Variants in MPDZ observed in about 807,000 individuals in gnomAD.
The protein encoded by MPDZ is multiple PDZ domain protein.
In MPDZ, 234 loss-of-function variants were observed where a neutral mutation model predicts 239.1. The ratio of observed to expected loss-of-function variants is 0.98; its 90% CI spans 0.88 to 1.09. MPDZ has a LOEUF of 1.09. Ranked by LOEUF, MPDZ falls within the 50% of genes least tolerant of loss-of-function variation. The pLI is 0.00. For missense variants in MPDZ, 3,175 were observed against 2,510.0 expected (o/e 1.26, Z -5.66); for synonymous variants, 1,048 against 881.3 (o/e 1.19, Z -3.35).
intron 5 of MPDZ, 125 bp from the exon 6 acceptor site, chr9:13,222,571 C>T: frequency 1.3e-6 from 1 of 751,592 alleles, no homozygotes; most frequent in Non-Finnish European, 2.2e-6. Context: ...TAAGCTTTTT[C>T]CTGCAGTTCT....
intron 8 of MPDZ, 83 bp from the exon 9 acceptor site, chr9:13,217,377 C>CA (rs1221991591): frequency 1.1e-6 from 1 of 908,602 alleles, no homozygotes; most frequent in Non-Finnish European, 1.7e-6. Context: ...ACAAAAAAAC[C>CA]ATGATAAAAT....
At chr9:13,221,297 T>C (rs936481538) in intron 7 of MPDZ, 75 bp downstream of exon 7, 8 of 1,424,526 alleles carry the variant, frequency 5.6e-6, no homozygotes, top group Non-Finnish European at 3.7e-6. Flanking sequence ...GTTTCTTCTT[T>C]CCAACAAAAA....
intron 24 of MPDZ, among the ~76,000 whole-genome samples, chr9:13,150,899 A>G (rs1949077200): frequency 6.6e-6 from 1 of 152,106 alleles, no homozygotes; most frequent in Non-Finnish European, 1.5e-5. Flanking sequence ...GGAAAGGAAA[A>G]AAGTATCTGC....
chr9:13,136,320 G>GTTTTTTTTTTTTTTT lies in MPDZ; in HGVS notation c.4293-139_4293-138insAAAAAAAAAAAAAAA, dbSNP rs1444109820. ...CTGTGACACTTACAAATTTACAAACGTTTTCTTTTTTTTTTTTTTTTTTTT... is the reference window on the plus strand; with the variant it reads ...CTGTGACACTTACAAATTTACAAACGTTTTTTTTTTTTTTTTTTTCTTTTTTTTTTTTTTTTTTTT... On this transcript the variant is annotated intron_variant, in intron 30 of 46. Transcript: ENST00000319217. 124 of 194,614 alleles carry GTTTTTTTTTTTTTTT rather than the reference G, an allele frequency of 6.4e-4. 11 individuals are homozygous for GTTTTTTTTTTTTTTT. The highest frequency in any genetic ancestry group is 2.7e-3 in the African/African-American group (41 of 15,138). The allele number at this position is 194,614 out of a possible 1,614,324, so 12.1% of individuals were successfully genotyped here.
chr9:13,222,910 G>T (rs1049750950), intron 5 of MPDZ, among the ~76,000 whole-genome samples: 1 of 151,004 alleles, frequency 6.6e-6, no homozygotes, highest in African/African-American at 2.4e-5. Context: ...CCCAACTGGG[G>T]ATCACATCCA....
chr9:13,127,117 T>A (rs1945236363), intron 32 of MPDZ, among the ~76,000 whole-genome samples: 1 of 152,206 alleles, frequency 6.6e-6, no homozygotes, highest in African/African-American at 2.4e-5. Flanking sequence ...ACTGAATAAG[T>A]CATTCAAAAC....
At chr9:13,245,918 T>C (rs1258812002) in intron 3 of MPDZ, among the ~76,000 whole-genome samples, 17 of 152,174 alleles carry the variant, frequency 1.1e-4, no homozygotes, top group Admixed American at 1.1e-3. Context: ...ACAACGGAAA[T>C]TTCAAGTTAT....
intron 1 of MPDZ, among the ~76,000 whole-genome samples, chr9:13,259,027 T>C (rs1006324360): frequency 2.0e-5 from 3 of 149,576 alleles, no homozygotes; most frequent in South Asian, 2.3e-4. Flanking sequence ...AGAGGCTCAA[T>C]ACAGCTCAAT....
In MPDZ at chr9:13,174,748, T is replaced by C. The variant is rs183473938; in HGVS notation, c.3055+1004A>G. Among the ~76,000 whole-genome samples the C allele has an allele frequency of 2.6e-5, 4 of 152,328 alleles. No homozygotes were observed. In the East Asian group the frequency reaches 5.8e-4, roughly 22 times the overall value. The stretch of plus-strand genomic sequence containing the variant: ...ATGCAAAGTTCTGCAGTTCAAGCTT[T>C]GTATCATCATCCTATTAAACATAAC... On this transcript the variant is annotated intron_variant, in intron 21 of 46. Transcript: ENST00000319217.
rs549903049 is a variant in MPDZ at position 13,215,764 on chromosome 9, T to TG, written c.1290+1009_1290+1010insC. Among the ~76,000 whole-genome samples the TG allele has an allele frequency of 2.2e-3, 311 of 138,222 alleles. 1 individual carries two copies. Among genetic ancestry groups the TG allele is most frequent in the African/African-American group, 8.0e-3 (300 of 37,728 alleles). The allele number at this position is 138,222 out of a possible 152,430, so 90.7% of individuals were successfully genotyped here. ...TTTCTCTATTGCAGGTTTTTTTTTT[T>TG]TTTTTTTTTTGTCTTTTTTTAGAGG... On this transcript the variant is annotated intron_variant, in intron 10 of 46. Coordinates refer to ENST00000319217, the MANE Select transcript of MPDZ (RefSeq NM_001378778.1).
chr9:13,204,735 C>T (rs973440691), intron 12 of MPDZ, among the ~76,000 whole-genome samples: 4 of 152,082 alleles, frequency 2.6e-5, no homozygotes, highest in Non-Finnish European at 5.9e-5. Flanking sequence ...TAGAACCACA[C>T]ATACAAACAG....
chr9:13,194,988 T>TA (rs879614298), intron 13 of MPDZ, among the ~76,000 whole-genome samples: 39 of 147,406 alleles, frequency 2.6e-4, no homozygotes, highest in Non-Finnish European at 4.4e-4. Flanking sequence ...TTTGAATGTT[T>TA]AAAAAAAAAA....
intron 1 of MPDZ, among the ~76,000 whole-genome samples, chr9:13,268,898 C>T (rs1204068938): frequency 2.6e-5 from 4 of 151,972 alleles, no homozygotes; most frequent in Non-Finnish European, 4.4e-5. Flanking sequence ...TTGGAGGGTA[C>T]AGGGATTACA....
chr9:13,137,043 A>G (rs79314239), intron 29 of MPDZ, among the ~76,000 whole-genome samples: 1,602 of 152,280 alleles, frequency 0.011, 22 homozygotes, highest in African/African-American at 0.037. Flanking sequence ...AACTGCTGAT[A>G]AAGAGGCACC....
chr9:13,223,730 A>G lies in MPDZ; in HGVS notation c.394-20T>C, dbSNP rs1959566130. ...GCGACCCTGTTTAGGAAACAAAGCA[A>G]GAAATAAAACTAAAAGCCAGGCCAT... On this transcript the variant is annotated intron_variant, in intron 4 of 46. Coordinates refer to ENST00000319217, the MANE Select transcript of MPDZ (RefSeq NM_001378778.1). 1 of 1,567,292 alleles carries G rather than the reference A, an allele frequency of 6.4e-7. No homozygotes were observed. Among genetic ancestry groups the G allele is most frequent in the Non-Finnish European group, 8.6e-7 (1 of 1,156,080 alleles).
At chr9:13,116,899 A>C (rs1943541045) in intron 39 of MPDZ, among the ~76,000 whole-genome samples, 1 of 152,120 alleles carries the variant, frequency 6.6e-6, no homozygotes, top group Non-Finnish European at 1.5e-5. Context: ...CTATGCGGTA[A>C]ATACAATCCT....
chr9:13,216,574 A>G (rs1958376097), intron 10 of MPDZ, among the ~76,000 whole-genome samples, 200 bp downstream of exon 10: 1 of 151,986 alleles, frequency 6.6e-6, no homozygotes, highest in Admixed American at 6.6e-5. Flanking sequence ...TTTGGAACTG[A>G]GATGAGTAAA....
chr9:13,192,404 T>G (rs1955059661), intron 14 of MPDZ, 109 bp from the exon 15 acceptor site: 1 of 944,062 alleles, frequency 1.1e-6, no homozygotes. Context: ...TTACCACAGT[T>G]TACTGTGCTC....
intron 21 of MPDZ, among the ~76,000 whole-genome samples, chr9:13,171,195 C>T (rs7870229): frequency 0.022 from 3,368 of 152,086 alleles, 88 homozygotes; most frequent in South Asian, 0.087. Flanking sequence ...ACAAAGTGTA[C>T]GACAAAATTT....
Sources: allele counts gnomAD v4.1 joint callset (sites outside exome capture counted in the v4.1 genomes callset), GRCh38; gene constraint gnomAD v4.1.1; transcripts MANE v1.5; gene names NCBI Gene and HGNC (gene_info 2026-07-23, HGNC 2026-07-21).